FAH: variants seen among roughly 807,000 people sequenced by gnomAD.
FAH encodes fumarylacetoacetate hydrolase, also known as fumarylacetoacetase.
Under a neutral mutation model 55.8 loss-of-function variants are expected in FAH, and 47 were observed. That is an observed-to-expected ratio of 0.84 (90% CI 0.67 to 1.07). The LOEUF (loss-of-function observed/expected upper bound fraction) is 1.07. Ranked by LOEUF, FAH falls within the 50% of genes least tolerant of loss-of-function variation. The pLI is 0.00. For synonymous variants in FAH, 199 were observed against 207.7 expected, an observed-to-expected ratio of 0.96 and a Z score of 0.36; for missense variants, 495 against 545.9, an observed-to-expected ratio of 0.91 and a Z score of 0.93.
chr15:80,185,745 TG>T (rs2041365305), intron 13 of FAH, among the ~76,000 whole-genome samples: 1 of 152,290 alleles, frequency 6.6e-6, no homozygotes, highest in African/African-American at 2.4e-5. Context: ...GAGAACAGTA[TG>T]GAGGAAACCG....
At chr15:80,164,024 A>T (rs1038754372) in intron 5 of FAH, among the ~76,000 whole-genome samples, 2 of 152,252 alleles carry the variant, frequency 1.3e-5, no homozygotes, top group African/African-American at 2.4e-5. Context: ...TCACTTTTAT[A>T]AAAAAAGCAC....
chr15:80,171,992 A>T (rs2041244927), intron 7 of FAH, among the ~76,000 whole-genome samples, 157 bp from the exon 8 acceptor site: 1 of 151,990 alleles, frequency 6.6e-6, no homozygotes, highest in South Asian at 2.1e-4. Flanking sequence ...CGTCCATCTG[A>T]CCTCTGACTT....
intron 5 of FAH, chr15:80,163,255 G>C (rs1312471075): frequency 6.6e-6 from 1 of 152,452 alleles, no homozygotes; most frequent in East Asian, 1.9e-4. Context: ...CCAGGTTCCA[G>C]GCTTCCACGT....
In FAH at chr15:80,180,127, A is replaced by C. The variant is rs774457378; in HGVS notation, c.964A>C (p.Met322Leu). Residue 322 changes from methionine (M) to leucine (L), a missense_variant, in exon 12 of 14, where the codon ATG becomes CTG. Physicochemically the swap from Met to Leu is conservative, Grantham distance 15 (BLOSUM62 2). Transcript: ENST00000561421. ...ACCTCGCGTCCATTGCCTGCAGTAC[A>C]TGTACTGGACGATGCTGCAGCAGCT... The part of the protein sequence containing the change: ...ATICKSNFKY[M>L]YWTMLQQLTH... 6.2e-7 allele frequency: 1 copy of C among 1,609,812 alleles called. No homozygotes were observed. Among genetic ancestry groups the C allele is most frequent in the African/African-American group, 1.3e-5 (1 of 74,964 alleles).
intron 11 of FAH, among the ~76,000 whole-genome samples, chr15:80,178,976 G>C (rs1478173952): frequency 6.6e-6 from 1 of 152,196 alleles, no homozygotes; most frequent in African/African-American, 2.4e-5. Flanking sequence ...GAGTTACTGT[G>C]AACATTTTAG....
chr15:80,152,989 G>C (rs1418569581), upstream of FAH: 23 of 1,440,270 alleles, frequency 1.6e-5, no homozygotes, highest in Non-Finnish European at 1.9e-5. Flanking sequence ...TGACCACAGC[G>C]GCCGAGTTCA....
At chr15:80,157,506 G>A (rs2041109209) in intron 1 of FAH, 1 of 170,396 alleles carries the variant, frequency 5.9e-6, no homozygotes, top group Non-Finnish European at 1.3e-5. Flanking sequence ...AAAGGAACTT[G>A]CCTTGCATGT....
At chr15:80,175,743 C>T (rs2041277911) in intron 10 of FAH, among the ~76,000 whole-genome samples, 1 of 152,332 alleles carries the variant, frequency 6.6e-6, no homozygotes, top group East Asian at 1.9e-4. Flanking sequence ...GGACTTTGGG[C>T]AAGTTGCCAA....
At chr15:80,184,205 T>A (rs993868919) in intron 13 of FAH, among the ~76,000 whole-genome samples, 5 of 152,226 alleles carry the variant, frequency 3.3e-5, no homozygotes, top group Admixed American at 2.0e-4. Context: ...TCACTCTCCT[T>A]CAGATCTTTG....
chr15:80,165,044 G>A (rs1006626956), intron 5 of FAH, among the ~76,000 whole-genome samples: 1 of 152,128 alleles, frequency 6.6e-6, no homozygotes, highest in Non-Finnish European at 1.5e-5. Flanking sequence ...TTTGGGGTAG[G>A]TAATACAAGA....
intron 4 of FAH, 100 bp downstream of exon 4, chr15:80,160,559 C>A: frequency 2.6e-6 from 3 of 1,154,194 alleles, no homozygotes; most frequent in Non-Finnish European, 3.9e-6. Flanking sequence ...AGGGTCCCTG[C>A]TGGTGGGGGG....
chr15:80,174,445 G>A (rs1180826899), intron 9 of FAH, among the ~76,000 whole-genome samples: 1 of 152,216 alleles, frequency 6.6e-6, no homozygotes, highest in Non-Finnish European at 1.5e-5. Flanking sequence ...GGCATCACTA[G>A]CTACACTGTT....
intron 1 of FAH, chr15:80,156,606 TCTCC>T (rs1567113910): frequency 6.6e-6 from 1 of 152,184 alleles, no homozygotes; most frequent in Non-Finnish European, 1.5e-5. Context: ...ACAAATGCGG[TCTCC>T]CTCCTTAGTT....
At chr15:80,168,904 G>C (rs551266658) in intron 7 of FAH, among the ~76,000 whole-genome samples, 10 of 152,240 alleles carry the variant, frequency 6.6e-5, no homozygotes, top group African/African-American at 2.4e-4. Flanking sequence ...CAATGTTCAT[G>C]AATCAACAAA....
rs370634385 is a variant in FAH, at chr15:80,175,058, A to C, written c.880A>C (p.Thr294Pro). The change falls in exon 10 of 14, where the codon ACA becomes CCA. Residue 294 changes from threonine (T) to proline (P), a missense_variant. By Grantham distance (38) the Thr-to-Pro change is conservative. Coordinates refer to ENST00000561421, the MANE Select transcript of FAH (RefSeq NM_000137.4). ...LPYLCHDEPY[T>P]FDINLSVNLK... ...GTATCTGTGCCATGACGAGCCCTACACATTTGACATCAACCTCTCTGTTAA... is the reference window on the plus strand; with the variant it reads ...GTATCTGTGCCATGACGAGCCCTACCCATTTGACATCAACCTCTCTGTTAA... The C allele has an allele frequency of 1.5e-5, 24 of 1,613,966 alleles. No homozygotes were observed. The highest frequency in any genetic ancestry group is 1.9e-5 in the Non-Finnish European group (23 of 1,180,016).
chr15:80,174,956 C>A, intron 9 of FAH, 60 bp from the exon 10 acceptor site: 1 of 1,501,386 alleles, frequency 6.7e-7, no homozygotes, highest in Non-Finnish European at 9.3e-7. Context: ...GTATGGGGGC[C>A]CAGCCGGGTG....
At position 80,172,186 on chromosome 15, in the gene FAH, C is replaced by A. The variant is rs753155575; in HGVS notation, c.644C>A (p.Pro215Gln). 1 of 1,614,060 alleles carries A rather than the reference C, an allele frequency of 6.2e-7. No individual in the cohort carries two copies. The highest frequency in any genetic ancestry group is 1.7e-5 in the Admixed American group (1 of 60,016). The change falls in exon 8 of 14, where the codon CCG becomes CAG. Residue 215 changes from proline (P) to glutamine (Q), a missense_variant. Physicochemically the swap from Pro to Gln is moderately conservative, Grantham distance 76 (BLOSUM62 -1). Coordinates refer to ENST00000561421, the MANE Select transcript of FAH (RefSeq NM_000137.4). ...GGCCCTGGAAACAGATTGGGAGAGCCGATCCCCATTTCCAAGGCCCATGAG... is the reference window on the plus strand; with the variant it reads ...GGCCCTGGAAACAGATTGGGAGAGCAGATCCCCATTTCCAAGGCCCATGAG... The part of the protein sequence containing the change: ...FVGPGNRLGE[P>Q]IPISKAHEHI...
rs771308353 is a variant in FAH at position 80,168,039 on chromosome 15, C to T, written c.456-13C>T. The stretch of plus-strand genomic sequence containing the variant: ...GCTCTGATGCCCTGCATTCTCTTGC[C>T]TTCCTTTCTCAGGCTGCACTTACCA... On this transcript the variant is annotated splice_polypyrimidine_tract_variant and intron_variant, in intron 5 of 13. Transcript: ENST00000561421. 3.1e-6 allele frequency: 5 copies of T among 1,610,212 alleles called. No homozygotes were observed. In the South Asian group the frequency reaches 5.5e-5, roughly 18 times the overall value.
At chr15:80,186,521 GAA>G, downstream of FAH, 1 of 440,706 alleles carries the variant, frequency 2.3e-6, no homozygotes, top group South Asian at 2.1e-5. Flanking sequence ...CATGGAATTT[GAA>G]AAGAGACTGG....
Sources: gnomAD v4.1 joint callset for allele counts (sites outside exome capture counted in the v4.1 genomes callset) on GRCh38, gnomAD v4.1.1 for gene constraint, MANE v1.5 for transcripts, NCBI Gene and HGNC (gene_info 2026-07-23, HGNC 2026-07-21) for gene names.